Variants in NUBPL observed in about 807,000 individuals in gnomAD.
NUBPL encodes the protein NUBP iron-sulfur cluster assembly factor, mitochondrial, also known as iron-sulfur cluster transfer protein NUBPL.
NUBPL carries 31 observed loss-of-function variants against 45.7 expected under a neutral mutation model. The observed-to-expected ratio is 0.68, with a 90% confidence interval of 0.51 to 0.92. The LOEUF (loss-of-function observed/expected upper bound fraction) is 0.92, where lower values mean the gene tolerates loss of function less well. Among genes scored for constraint, NUBPL ranks in the 40% least tolerant of loss-of-function variants. The probability of loss-of-function intolerance (pLI) is 0.00; values close to 1 mark genes in which losing one functional copy is unlikely to be tolerated. For missense variants in NUBPL, 401 were observed against 398.7 expected (o/e 1.01, Z -0.05); for synonymous variants, 144 against 140.9 (o/e 1.02, Z -0.15).
At chr14:31,802,618 C>T (rs902093022) in intron 7 of NUBPL, among the ~76,000 whole-genome samples, 3 of 152,256 alleles carry the variant, frequency 2.0e-5, no homozygotes, top group African/African-American at 4.8e-5. Context: ...TGGGAAGGCT[C>T]TCCCCAGAAG....
At chr14:31,605,556 T>C (rs900070473) in intron 4 of NUBPL, among the ~76,000 whole-genome samples, 1 of 152,220 alleles carries the variant, frequency 6.6e-6, no homozygotes, top group Non-Finnish European at 1.5e-5. Context: ...TTCTGCTCTA[T>C]TTGTTTAAAG....
intron 6 of NUBPL, among the ~76,000 whole-genome samples, chr14:31,705,949 G>A (rs1029158837): frequency 6.6e-6 from 1 of 152,150 alleles, no homozygotes; most frequent in Non-Finnish European, 1.5e-5. Flanking sequence ...AGTGCTGCAC[G>A]AAGCCCCAGC....
chr14:31,802,042 G>A (rs1313435002), intron 7 of NUBPL, among the ~76,000 whole-genome samples: 2 of 152,168 alleles, frequency 1.3e-5, no homozygotes, highest in Non-Finnish European at 2.9e-5. Context: ...AAACTTATTT[G>A]CTAATGTAAC....
intron 6 of NUBPL, among the ~76,000 whole-genome samples, chr14:31,748,536 G>A (rs756011644): frequency 1.3e-5 from 2 of 151,972 alleles, no homozygotes; most frequent in African/African-American, 2.4e-5. Flanking sequence ...TGATTCCTTC[G>A]TGATTATGTA....
At chr14:31,675,732 T>A (rs2036678755) in intron 6 of NUBPL, among the ~76,000 whole-genome samples, 1 of 152,236 alleles carries the variant, frequency 6.6e-6, no homozygotes, top group Non-Finnish European at 1.5e-5. Context: ...AAGTCTGGTT[T>A]AAAGTTGTTT....
In NUBPL at chr14:31,565,051, A is replaced by G; in HGVS notation, c.291+3A>G. On this transcript the variant is annotated splice_donor_region_variant and intron_variant, in intron 3 of 10. Transcript: ENST00000281081. ...TTGCACTAGCAGCGAACGATTCGGT[A>G]GGTGTTTATTAATAGAAATATTAAT... The G allele has an allele frequency of 6.6e-7, 1 of 1,520,320 alleles. No individual in the cohort carries two copies. The highest frequency in any genetic ancestry group is 9.0e-7 in the Non-Finnish European group (1 of 1,105,756). 94.2% of individuals were successfully genotyped at this position (1,520,320 alleles called of 1,614,324 possible).
At chr14:31,663,036 T>C (rs1045848600) in intron 4 of NUBPL, among the ~76,000 whole-genome samples, 1 of 152,228 alleles carries the variant, frequency 6.6e-6, no homozygotes, top group African/African-American at 2.4e-5. Flanking sequence ...TACATAAATA[T>C]CTTCTTTTGA....
At chr14:31,775,327 A>T (rs994683196) in intron 6 of NUBPL, among the ~76,000 whole-genome samples, 2 of 152,194 alleles carry the variant, frequency 1.3e-5, no homozygotes, top group African/African-American at 4.8e-5. Flanking sequence ...CTGAGGCAGG[A>T]GACTCGCTTC....
chr14:31,815,581 G>C (rs1156316080), intron 7 of NUBPL, among the ~76,000 whole-genome samples: 6 of 152,106 alleles, frequency 3.9e-5, no homozygotes, highest in African/African-American at 1.4e-4. Flanking sequence ...TTTTGAATAG[G>C]AGTGGTAAGA....
At chr14:31,825,268 G>A (rs1470891944) in intron 7 of NUBPL, among the ~76,000 whole-genome samples, 1 of 152,058 alleles carries the variant, frequency 6.6e-6, no homozygotes, top group Non-Finnish European at 1.5e-5. Context: ...TTTCTCCTAT[G>A]TCTAGCTTCC....
At chr14:31,625,455 A>G (rs2035180279) in intron 4 of NUBPL, among the ~76,000 whole-genome samples, 1 of 151,288 alleles carries the variant, frequency 6.6e-6, no homozygotes, top group South Asian at 2.1e-4. Context: ...TGGGTAAGAT[A>G]TAAATTCTAT....
chr14:31,809,207 T>G (rs1595661674), intron 7 of NUBPL, among the ~76,000 whole-genome samples: 1 of 152,224 alleles, frequency 6.6e-6, no homozygotes, highest in Non-Finnish European at 1.5e-5. Context: ...AGCTCCTCTT[T>G]GTACTTCTGA....
At chr14:31,853,865 C>G (rs1225211512) in intron 10 of NUBPL, among the ~76,000 whole-genome samples, 1 of 152,146 alleles carries the variant, frequency 6.6e-6, no homozygotes, top group Non-Finnish European at 1.5e-5. Context: ...TCAATAGCAT[C>G]CCCGCATGCT....
intron 6 of NUBPL, among the ~76,000 whole-genome samples, chr14:31,730,424 G>A (rs1321737921): frequency 1.3e-5 from 2 of 151,520 alleles, no homozygotes; most frequent in African/African-American, 4.9e-5. Context: ...CCAGAAACTT[G>A]CAAGACAACT....
chr14:31,670,722 A>G (rs112877159), intron 4 of NUBPL, among the ~76,000 whole-genome samples: 13,376 of 152,260 alleles, frequency 0.088, 738 homozygotes, highest in African/African-American at 0.15. Flanking sequence ...CATTTATGGA[A>G]TAGAGAATCC....
intron 2 of NUBPL, chr14:31,562,836 C>G (rs1402239176): frequency 6.5e-6 from 1 of 153,926 alleles, no homozygotes; most frequent in Non-Finnish European, 1.5e-5. Context: ...TCTCCATCTC[C>G]TGATCTCGTG....
rs77054468 is a variant in NUBPL, at chr14:31,675,282, C to T, written c.513+1708C>T. 8.8e-3 allele frequency among the ~76,000 whole-genome samples: 1,335 copies of T among 152,270 alleles called. 21 individuals are homozygous for T. Among genetic ancestry groups the T allele is most frequent in the African/African-American group, 0.03 (1,256 of 41,552 alleles). On this transcript the variant is annotated intron_variant, in intron 6 of 10. Transcript: ENST00000281081. ...TGCTTTGAGGTTACCTAGAGTATAT[C>T]TATCTTACAGTCTTTCGTGAAGTCA...
At chr14:31,732,262 G>T (rs1225068082) in intron 6 of NUBPL, among the ~76,000 whole-genome samples, 2 of 151,260 alleles carry the variant, frequency 1.3e-5, no homozygotes, top group Non-Finnish European at 2.9e-5. Context: ...TACTTATGCT[G>T]ACCTCACTGT....
At chr14:31,703,896 T>C (rs1243627479) in intron 6 of NUBPL, among the ~76,000 whole-genome samples, 2 of 151,264 alleles carry the variant, frequency 1.3e-5, no homozygotes, top group African/African-American at 4.8e-5. Flanking sequence ...CAGGAGATTG[T>C]CTCTGCCTGG....
Sources: gnomAD v4.1 joint callset for allele counts (sites outside exome capture counted in the v4.1 genomes callset) on GRCh38, gnomAD v4.1.1 for gene constraint, MANE v1.5 for transcripts, NCBI Gene and HGNC (gene_info 2026-07-23, HGNC 2026-07-21) for gene names.